The following TBXAS1 variants were observed in gnomAD, a reference collection of about 807,000 sequenced individuals.
The protein encoded by TBXAS1 is thromboxane A synthase 1.
Under a neutral mutation model 60.7 loss-of-function variants are expected in TBXAS1, and 48 were observed. The ratio of observed to expected loss-of-function variants is 0.79; its 90% CI spans 0.63 to 1.01. The LOEUF (loss-of-function observed/expected upper bound fraction) is 1.01. Ranked by LOEUF, TBXAS1 falls within the 50% of genes least tolerant of loss-of-function variation. The pLI is 0.00. For synonymous variants in TBXAS1, 287 were observed against 269.7 expected, an observed-to-expected ratio of 1.06 and a Z score of -0.63; for missense variants, 685 against 686.3, an observed-to-expected ratio of 1.00 and a Z score of 0.02.
chr7:140,013,512 T>G lies in TBXAS1; in HGVS notation c.1227-2211T>G, dbSNP rs942835478. 2.0e-5 allele frequency among the ~76,000 whole-genome samples: 3 copies of G among 152,064 alleles called. No homozygotes were observed. Among genetic ancestry groups the G allele is most frequent in the African/African-American group, 7.2e-5 (3 of 41,398 alleles). On this transcript the variant is annotated intron_variant, in intron 10 of 12. Transcript: ENST00000448866. This position sits in a 1 kb window ranked among gnomAD's most constrained non-coding sequence, Gnocchi z 4.2. ...GATTTCAAGTTGCAAGGAAGAGAGA[T>G]TCAATGGTGCTTTCTTGAGTCACGG...
chr7:139,914,350 T>C (rs946514570), intron 4 of TBXAS1, among the ~76,000 whole-genome samples: 5 of 152,072 alleles, frequency 3.3e-5, no homozygotes, highest in Non-Finnish European at 7.4e-5. Flanking sequence ...TTTCTTAACT[T>C]AAAAAAGAGC....
intron 2 of TBXAS1, among the ~76,000 whole-genome samples, chr7:139,874,019 C>T (rs1802025817): frequency 6.6e-6 from 1 of 152,142 alleles, no homozygotes; most frequent in Non-Finnish European, 1.5e-5. Flanking sequence ...TTTTCTGCCC[C>T]CACCTTCTCA....
chr7:139,903,670 T>A (rs897330298), intron 3 of TBXAS1, among the ~76,000 whole-genome samples: 2 of 152,140 alleles, frequency 1.3e-5, no homozygotes, highest in African/African-American at 4.8e-5. Context: ...TGTATCACAT[T>A]GCAGTTTTGA....
intron 9 of TBXAS1, among the ~76,000 whole-genome samples, chr7:139,977,070 G>A (rs1299726019): frequency 6.6e-6 from 1 of 152,190 alleles, no homozygotes; most frequent in African/African-American, 2.4e-5. Context: ...ATAACATTCA[G>A]CAGACAAGCC....
intron 1 of TBXAS1, among the ~76,000 whole-genome samples, chr7:139,855,386 G>A (rs1211950797): frequency 1.3e-5 from 2 of 152,004 alleles, no homozygotes; most frequent in Non-Finnish European, 2.9e-5. Flanking sequence ...TTGGCCCCAC[G>A]GTCTTGAGTT....
chr7:139,885,785 G>T (rs1803045437), intron 3 of TBXAS1, among the ~76,000 whole-genome samples: 1 of 152,136 alleles, frequency 6.6e-6, no homozygotes, highest in Admixed American at 6.6e-5. Flanking sequence ...ATCCTTGCTT[G>T]ATTAAAAACC....
At chr7:139,949,254 C>G (rs1027313674) in intron 5 of TBXAS1, among the ~76,000 whole-genome samples, 3 of 152,152 alleles carry the variant, frequency 2.0e-5, no homozygotes, top group East Asian at 1.9e-4. Context: ...TGTTCCATCT[C>G]TTTTGTTATG....
At chr7:139,841,917 C>G (rs1246383421) in intron 1 of TBXAS1, among the ~76,000 whole-genome samples, 1 of 152,120 alleles carries the variant, frequency 6.6e-6, no homozygotes, top group African/African-American at 2.4e-5. Flanking sequence ...CCTTTGAAAG[C>G]CCTCAACGCA....
At chr7:139,970,169 C>A (rs530111210) in intron 9 of TBXAS1, among the ~76,000 whole-genome samples, 6 of 152,328 alleles carry the variant, frequency 3.9e-5, no homozygotes, top group Non-Finnish European at 7.3e-5. Context: ...TGCAGTGGCA[C>A]GATCTTGGCT....
At position 139,899,021 on chromosome 7, in the gene TBXAS1, T is replaced by TA. The variant is rs1804349712; in HGVS notation, c.237-12204_237-12203insA. Among the ~76,000 whole-genome samples, 2 of 151,898 alleles carry TA rather than the reference T, an allele frequency of 1.3e-5. 1 individual carries two copies. On this transcript the variant is annotated intron_variant, in intron 3 of 12. Coordinates refer to ENST00000448866, the MANE Select transcript of TBXAS1 (RefSeq NM_001061.7). ...ACAAATTCTCCCTCTCCTTTTTTTTTTTCATTGCAGAAGTCACATGCGCTC... is the reference window on the plus strand; with the variant it reads ...ACAAATTCTCCCTCTCCTTTTTTTTTATTCATTGCAGAAGTCACATGCGCTC...
rs900519185 is a variant in TBXAS1, at chr7:139,906,759, A to G, written c.237-4466A>G. On this transcript the variant is annotated intron_variant, in intron 3 of 12. Transcript: ENST00000448866. ...GAGTCTTCCAATCCATGAACATGAT[A>G]TGTTTCTCCACTTAGTTCTTCTTTT... Among the ~76,000 whole-genome samples the G allele has an allele frequency of 3.0e-4, 46 of 151,656 alleles. 3 individuals are homozygous for G. The highest frequency in any genetic ancestry group is 2.9e-3 in the East Asian group (15 of 5,142).
intron 4 of TBXAS1, among the ~76,000 whole-genome samples, chr7:139,933,031 T>C (rs1047121047): frequency 6.6e-6 from 1 of 152,192 alleles, no homozygotes; most frequent in Admixed American, 6.5e-5. Context: ...CACTACCGCC[T>C]GGGTGACAGA....
intron 4 of TBXAS1, among the ~76,000 whole-genome samples, chr7:139,812,934 G>C (rs757143828): frequency 6.6e-6 from 1 of 152,064 alleles, no homozygotes; most frequent in Non-Finnish European, 1.5e-5. Flanking sequence ...GTGGGTGCCT[G>C]TAATCCCAGC....
chr7:139,807,649 C>T (rs1302034114), intron 4 of TBXAS1, among the ~76,000 whole-genome samples: 1 of 152,162 alleles, frequency 6.6e-6, no homozygotes, highest in Non-Finnish European at 1.5e-5. Flanking sequence ...TCCCAAAGTG[C>T]TGGGATTACA....
intron 1 of TBXAS1, among the ~76,000 whole-genome samples, chr7:139,865,590 GGAGGAGGAGGAGGAA>G (rs1309397632): frequency 2.3e-4 from 22 of 97,526 alleles, no homozygotes; most frequent in South Asian, 3.8e-4. Context: ...AGAAGAAGGA[GGAGGAGGAGGAGGAA>G]GAGGAGGAGG....
intron 5 of TBXAS1, among the ~76,000 whole-genome samples, chr7:139,951,380 C>T (rs992514291): frequency 2.0e-5 from 3 of 151,734 alleles, no homozygotes; most frequent in Non-Finnish European, 4.4e-5. Context: ...CTTATGAGGC[C>T]ACCTTTAGGA....
At chr7:139,813,051 G>A (rs939999391) in intron 4 of TBXAS1, among the ~76,000 whole-genome samples, 5 of 145,454 alleles carry the variant, frequency 3.4e-5, no homozygotes, top group Admixed American at 2.8e-4. Flanking sequence ...AGCAAAACTC[G>A]GTCTCAAATA....
In TBXAS1 at chr7:139,950,710, TCGCCCTCCATCTACGGGAC is replaced by T. The variant is rs1809159487; in HGVS notation, c.451-2656_451-2638del. ...CTCGCCCTCCATCTACGGGACCCCC[TCGCCCTCCATCTACGGGAC>T]CCCCTCGCCCTCCATCTACGGGACC... is the stretch of plus-strand genomic sequence containing the variant. On this transcript the variant is annotated intron_variant, in intron 5 of 12. Coordinates refer to ENST00000448866, the MANE Select transcript of TBXAS1 (RefSeq NM_001061.7). Among the ~76,000 whole-genome samples, 46 of 141,566 alleles carry T rather than the reference TCGCCCTCCATCTACGGGAC, an allele frequency of 3.2e-4. No individual in the cohort carries two copies. In the East Asian group the frequency reaches 4.4e-3, roughly 13 times the overall value. 92.9% of individuals were successfully genotyped at this position (141,566 alleles called of 152,430 possible). A position where few individuals can be genotyped will look rare whatever the true frequency, so the allele number is the denominator to read the frequency against.
chr7:139,898,489 C>T (rs955364500), intron 3 of TBXAS1, among the ~76,000 whole-genome samples: 2 of 124,120 alleles, frequency 1.6e-5, no homozygotes, highest in African/African-American at 6.3e-5. Flanking sequence ...AAAGCAATGG[C>T]GCAATTTTTG....
Sources: allele counts gnomAD v4.1 joint callset (sites outside exome capture counted in the v4.1 genomes callset), GRCh38; gene constraint gnomAD v4.1.1; non-coding constraint Gnocchi (gnomAD v3.1); transcripts MANE v1.5; gene names NCBI Gene and HGNC (gene_info 2026-07-23, HGNC 2026-07-21).